ADGRB3: variants seen among roughly 807,000 people sequenced by gnomAD.
ADGRB3 encodes brain-specific angiogenesis inhibitor 3.
In ADGRB3, 37 loss-of-function variants were observed where a neutral mutation model predicts 193.4. The ratio of observed to expected loss-of-function variants is 0.19; its 90% CI spans 0.15 to 0.25. The LOEUF (loss-of-function observed/expected upper bound fraction) is 0.25. Ranked by LOEUF, ADGRB3 falls within the 10% of genes least tolerant of loss-of-function variation. ADGRB3 has a pLI of 1.00. For missense variants in ADGRB3, 1,637 were observed against 1,852.9 expected (o/e 0.88, Z 2.14); for synonymous variants, 690 against 644.2 (o/e 1.07, Z -1.08).
intron 17 of ADGRB3, 149 bp downstream of exon 17, chr6:69,076,187 A>G (rs1016402559): frequency 1.5e-6 from 1 of 663,286 alleles, no homozygotes; most frequent in Non-Finnish European, 2.6e-6. Flanking sequence ...TCTTCAGGAC[A>G]GCATGATGAA....
intron 3 of ADGRB3, among the ~76,000 whole-genome samples, chr6:68,735,848 G>A (rs73463935): frequency 0.027 from 4,092 of 152,108 alleles, 82 homozygotes; most frequent in African/African-American, 0.055. Flanking sequence ...TTTCCATTTC[G>A]ATGAAAGGTT....
intron 10 of ADGRB3, among the ~76,000 whole-genome samples, chr6:68,987,221 T>C (rs1025031726): frequency 1.3e-5 from 2 of 152,250 alleles, no homozygotes; most frequent in African/African-American, 4.8e-5. Context: ...ATTTCCATGA[T>C]TAAATTACAA....
At chr6:69,048,081 T>A (rs1771289149) in intron 13 of ADGRB3, 104 bp from the exon 14 acceptor site, 1 of 1,252,254 alleles carries the variant, frequency 8.0e-7, no homozygotes, top group East Asian at 2.4e-5. Context: ...CAATTTTGAC[T>A]TGAAATTTTA....
At chr6:69,194,449 C>G (rs1765257417) in intron 17 of ADGRB3, among the ~76,000 whole-genome samples, 1 of 152,144 alleles carries the variant, frequency 6.6e-6, no homozygotes, top group African/African-American at 2.4e-5. Flanking sequence ...TTTCTTAATA[C>G]TTCGCTGGTT....
chr6:68,722,652 C>A (rs1765604375), intron 3 of ADGRB3, among the ~76,000 whole-genome samples: 1 of 150,444 alleles, frequency 6.6e-6, no homozygotes, highest in Non-Finnish European at 1.5e-5. Flanking sequence ...TTTTCCAAAA[C>A]CATCATTTCT....
At chr6:69,314,816 T>C (rs1294430784) in intron 20 of ADGRB3, among the ~76,000 whole-genome samples, 1 of 151,518 alleles carries the variant, frequency 6.6e-6, no homozygotes, top group Non-Finnish European at 1.5e-5. Flanking sequence ...AAAAGGCTTC[T>C]GATTCTATTT....
chr6:68,639,574 A>G, intron 3 of ADGRB3, 142 bp downstream of exon 3: 2 of 1,213,832 alleles, frequency 1.6e-6, no homozygotes, highest in Middle Eastern at 2.9e-4. Flanking sequence ...ATTCACTGAT[A>G]AAGGTCTCTT....
At chr6:69,302,719 AGT>A (rs1237968410) in intron 20 of ADGRB3, among the ~76,000 whole-genome samples, 1 of 151,994 alleles carries the variant, frequency 6.6e-6, no homozygotes, top group Non-Finnish European at 1.5e-5. Context: ...ACATCGTGAA[AGT>A]GTGGAAGGAT....
chr6:68,798,094 A>G (rs1008551065), intron 3 of ADGRB3, among the ~76,000 whole-genome samples: 4 of 152,160 alleles, frequency 2.6e-5, no homozygotes, highest in African/African-American at 9.6e-5. Context: ...TCTTCCTGCT[A>G]TCCTCTCCTC....
At chr6:68,713,131 T>C (rs918710080) in intron 3 of ADGRB3, among the ~76,000 whole-genome samples, 1 of 151,888 alleles carries the variant, frequency 6.6e-6, no homozygotes, top group Non-Finnish European at 1.5e-5. Context: ...AGGTTTATGA[T>C]CTAATTAGGG....
Position 68,762,668 on chromosome 6 carries a change from G to A in ADGRB3, c.757+123236G>A, listed in dbSNP as rs567611134. 9.9e-5 allele frequency among the ~76,000 whole-genome samples: 15 copies of A among 152,086 alleles called. No individual in the cohort carries two copies. In the East Asian group the frequency reaches 2.9e-3, roughly 29 times the overall value. On this transcript the variant is annotated intron_variant, in intron 3 of 31. Coordinates refer to ENST00000370598, the MANE Select transcript of ADGRB3 (RefSeq NM_001704.3). ...ATTATAAATGTCATACGATACTTAA[G>A]GTCAAGTAGCAAGGTCCTCATAAAA... is the stretch of plus-strand genomic sequence containing the variant.
chr6:68,929,135 AC>A (rs1767266470), intron 3 of ADGRB3, among the ~76,000 whole-genome samples: 1 of 152,132 alleles, frequency 6.6e-6, no homozygotes, highest in Non-Finnish European at 1.5e-5. Flanking sequence ...ACAAGGTCAA[AC>A]CCACTGACAT....
At chr6:69,152,428 A>C (rs925889161) in intron 17 of ADGRB3, among the ~76,000 whole-genome samples, 1 of 152,222 alleles carries the variant, frequency 6.6e-6, no homozygotes, top group African/African-American at 2.4e-5. Flanking sequence ...CTATTATGTA[A>C]ATCTGTGTCT....
chr6:68,964,549 T>C (rs574297748), intron 8 of ADGRB3, among the ~76,000 whole-genome samples: 9 of 152,198 alleles, frequency 5.9e-5, no homozygotes, highest in Non-Finnish European at 1.0e-4. Context: ...TTAGTAAACG[T>C]AACTTTCCAG....
intron 11 of ADGRB3, among the ~76,000 whole-genome samples, chr6:69,005,755 C>A (rs1230120157): frequency 6.6e-6 from 1 of 152,132 alleles, no homozygotes; most frequent in Non-Finnish European, 1.5e-5. Flanking sequence ...GGTCATCTGG[C>A]CTGCTGCAGA....
At chr6:68,969,783 C>T (rs1184030560) in intron 8 of ADGRB3, among the ~76,000 whole-genome samples, 1 of 152,208 alleles carries the variant, frequency 6.6e-6, no homozygotes, top group African/African-American at 2.4e-5. Flanking sequence ...ATCATCCTAC[C>T]TAAAGCCATC....
At chr6:69,301,745 A>G (rs1353571265) in intron 20 of ADGRB3, among the ~76,000 whole-genome samples, 1 of 151,972 alleles carries the variant, frequency 6.6e-6, no homozygotes, top group Non-Finnish European at 1.5e-5. Context: ...GAAAAAGAAA[A>G]TAACTCATGA....
intron 20 of ADGRB3, among the ~76,000 whole-genome samples, chr6:69,286,332 T>C (rs916782493): frequency 6.6e-6 from 1 of 152,190 alleles, no homozygotes; most frequent in East Asian, 1.9e-4. Context: ...TGCTTTAATA[T>C]TCTCCTTTCC....
At chr6:69,348,783 G>A (rs1015252330) in intron 26 of ADGRB3, among the ~76,000 whole-genome samples, 2 of 152,224 alleles carry the variant, frequency 1.3e-5, no homozygotes, top group Admixed American at 6.5e-5. Flanking sequence ...AATAACTGGA[G>A]GTTCAATATG....
Sources: gnomAD v4.1 joint callset for allele counts (sites outside exome capture counted in the v4.1 genomes callset) on GRCh38, gnomAD v4.1.1 for gene constraint, MANE v1.5 for transcripts, NCBI Gene and HGNC (gene_info 2026-07-23, HGNC 2026-07-21) for gene names.